The following CBLB variants were observed in gnomAD, a reference collection of about 807,000 sequenced individuals.
CBLB encodes Cbl proto-oncogene B.
Under a neutral mutation model 104.9 loss-of-function variants are expected in CBLB, and 31 were observed. The observed-to-expected ratio is 0.30, with a 90% CI of 0.22 to 0.40. CBLB has a LOEUF of 0.40. CBLB is among the 10% of genes least tolerant of loss of function. The pLI is 1.00. For missense variants in CBLB, 1,062 were observed against 1,214.6 expected (o/e 0.87, Z 1.87); for synonymous variants, 440 against 422.6 (o/e 1.04, Z -0.51).
chr3:105,809,021 A>G (rs1293330085), intron 3 of CBLB, among the ~76,000 whole-genome samples: 2 of 152,220 alleles, frequency 1.3e-5, no homozygotes, highest in African/African-American at 4.8e-5. Flanking sequence ...TCATTCACTT[A>G]GCTCATATTT....
At position 105,805,723 on chromosome 3, in the gene CBLB, T is replaced by C. The variant is rs2083415436; in HGVS notation, c.420-29181A>G. On this transcript the variant is annotated intron_variant, in intron 3 of 18. Transcript: ENST00000394030. ...GAGCCTTCCCTCACATGGGTGTTTA[T>C]CAAAATCCATTCATCTCCTAGTGAA... Among the ~76,000 whole-genome samples, 14 of 152,292 alleles carry C rather than the reference T, an allele frequency of 9.2e-5. 2 individuals carry two copies. The South Asian group carries it at 2.9e-3, about 32-fold the overall frequency.
At chr3:105,830,014 A>C (rs12186028) in intron 3 of CBLB, among the ~76,000 whole-genome samples, 18,402 of 152,170 alleles carry the variant, frequency 0.12, 1,225 homozygotes, top group Non-Finnish European at 0.15. Flanking sequence ...CCTTTTCACT[A>C]GAATTCTTAC....
At chr3:105,684,538 C>T (rs1424038601) in intron 14 of CBLB, among the ~76,000 whole-genome samples, 1 of 142,868 alleles carries the variant, frequency 7.0e-6, no homozygotes, top group African/African-American at 2.6e-5. Context: ...AGGAAAAAAC[C>T]CCCATTATTC....
At chr3:105,784,932 A>C (rs962474286) in intron 3 of CBLB, among the ~76,000 whole-genome samples, 1 of 152,128 alleles carries the variant, frequency 6.6e-6, no homozygotes, top group Non-Finnish European at 1.5e-5. Flanking sequence ...CTCTGATACA[A>C]TGTTTCTATG....
intron 3 of CBLB, among the ~76,000 whole-genome samples, chr3:105,829,721 A>G (rs1407500787): frequency 1.2e-4 from 3 of 25,072 alleles, no homozygotes; most frequent in Non-Finnish European, 6.1e-4. Context: ...AGCTATCTTC[A>G]TAATAATGGA....
At chr3:105,869,162 T>G (rs1324347685), upstream of CBLB, 3 of 614,132 alleles carry the variant, frequency 4.9e-6, no homozygotes, top group Non-Finnish European at 7.6e-6. Context: ...CTCCTCGCGC[T>G]GCCGCCCCGT....
At chr3:105,857,878 C>T (rs1211891999) in intron 2 of CBLB, among the ~76,000 whole-genome samples, 1 of 152,102 alleles carries the variant, frequency 6.6e-6, no homozygotes, top group Non-Finnish European at 1.5e-5. Flanking sequence ...ATGATGGAGG[C>T]AAGTACAAAC....
chr3:105,691,465 C>T (rs528052465), intron 13 of CBLB, among the ~76,000 whole-genome samples: 79 of 152,294 alleles, frequency 5.2e-4, no homozygotes, highest in African/African-American at 1.5e-3. Context: ...ACAGGAGAAG[C>T]AGGTATTTAA....
intron 3 of CBLB, among the ~76,000 whole-genome samples, chr3:105,800,489 A>T (rs191473568): frequency 6.6e-6 from 1 of 152,298 alleles, no homozygotes; most frequent in East Asian, 1.9e-4. Flanking sequence ...AAGCACTGGT[A>T]TTGCTTTAAG....
chr3:105,831,219 C>A (rs571460808), intron 3 of CBLB, among the ~76,000 whole-genome samples: 16 of 152,328 alleles, frequency 1.1e-4, no homozygotes, highest in African/African-American at 3.6e-4. Context: ...CAAAGAACCA[C>A]AATACAATAT....
intron 6 of CBLB, among the ~76,000 whole-genome samples, chr3:105,742,166 G>T (rs2075664841): frequency 6.6e-6 from 1 of 152,136 alleles, no homozygotes; most frequent in Non-Finnish European, 1.5e-5. Flanking sequence ...CCATTAAGCA[G>T]ATCAAAAACA....
intron 3 of CBLB, among the ~76,000 whole-genome samples, chr3:105,831,124 T>C (rs2087449720): frequency 1.3e-5 from 2 of 152,154 alleles, no homozygotes; most frequent in Non-Finnish European, 1.5e-5. Context: ...ATGTTCATGG[T>C]TGAAAAATCA....
Position 105,657,141 on chromosome 3 carries a change from C to T in CBLB, c.*1829G>A. On this transcript the variant is annotated 3_prime_UTR_variant, in exon 19 of 19. Coordinates refer to ENST00000394030, the MANE Select transcript of CBLB (RefSeq NM_170662.5). ...TCTCATACCATGAAAGCCAGACTGT[C>T]AAAAAAAGGGCACATGTCACTTTGC... is the stretch of plus-strand genomic sequence containing the variant. The T allele has an allele frequency of 4.5e-6, 1 of 224,614 alleles. No individual in the cohort carries two copies. Among genetic ancestry groups the T allele is most frequent in the Non-Finnish European group, 8.9e-6 (1 of 112,720 alleles). 13.9% of individuals were successfully genotyped at this position (224,614 alleles called of 1,614,324 possible).
At chr3:105,663,490 G>A (rs558845572) in intron 18 of CBLB, among the ~76,000 whole-genome samples, 8 of 152,200 alleles carry the variant, frequency 5.3e-5, no homozygotes, top group East Asian at 1.9e-4. Context: ...TGCCTGGGTC[G>A]TGACTGCCCT....
chr3:105,762,648 G>A (rs987962412), intron 4 of CBLB, among the ~76,000 whole-genome samples: 1 of 152,254 alleles, frequency 6.6e-6, no homozygotes, highest in Non-Finnish European at 1.5e-5. Flanking sequence ...GTATGGAAAT[G>A]CTTGGACATC....
At chr3:105,721,389 A>C (rs2072792748) in intron 9 of CBLB, among the ~76,000 whole-genome samples, 1 of 152,162 alleles carries the variant, frequency 6.6e-6, no homozygotes, top group Non-Finnish European at 1.5e-5. Context: ...CTGAACAACT[A>C]CCTCACATCT....
chr3:105,815,106 T>C (rs1254255530), intron 3 of CBLB, among the ~76,000 whole-genome samples: 2 of 152,108 alleles, frequency 1.3e-5, no homozygotes, highest in African/African-American at 4.8e-5. Context: ...AATGTGTTTA[T>C]ACATCTATGA....
chr3:105,854,993 T>C (rs985090333), intron 2 of CBLB, among the ~76,000 whole-genome samples: 11 of 152,150 alleles, frequency 7.2e-5, no homozygotes, highest in Non-Finnish European at 1.5e-4. Context: ...CTGGAGTGGC[T>C]GTGGGTATTT....
intron 2 of CBLB, among the ~76,000 whole-genome samples, chr3:105,855,170 T>A (rs953310389): frequency 6.6e-6 from 1 of 152,118 alleles, no homozygotes; most frequent in Non-Finnish European, 1.5e-5. Flanking sequence ...TATTAATATA[T>A]GATCTCATTT....
Sources: gnomAD v4.1 joint callset for allele counts (sites outside exome capture counted in the v4.1 genomes callset) on GRCh38, gnomAD v4.1.1 for gene constraint, MANE v1.5 for transcripts, NCBI Gene and HGNC (gene_info 2026-07-23, HGNC 2026-07-21) for gene names.